GLRA1: variants seen among roughly 807,000 people sequenced by gnomAD.
GLRA1 encodes the protein glycine receptor alpha 1.
Under a neutral mutation model 48.3 loss-of-function variants are expected in GLRA1, and 37 were observed. The observed-to-expected ratio is 0.77, with a 90% CI of 0.59 to 1.01. The LOEUF (loss-of-function observed/expected upper bound fraction) is 1.01, where lower values mean the gene tolerates loss of function less well. Among genes scored for constraint, GLRA1 ranks in the 50% least tolerant of loss-of-function variants. The pLI is 0.00. For synonymous variants in GLRA1, 196 were observed against 210.7 expected (o/e 0.93, Z 0.60); for missense variants, 427 against 571.0 (o/e 0.75, Z 2.57).
chr5:151,846,731 T>A (rs1752681263), intron 7 of GLRA1, among the ~76,000 whole-genome samples: 1 of 152,216 alleles, frequency 6.6e-6, no homozygotes, highest in South Asian at 2.1e-4. Flanking sequence ...GTGTGCAATA[T>A]GAATTGGATC....
intron 6 of GLRA1, among the ~76,000 whole-genome samples, chr5:151,851,805 C>T (rs1752921421): frequency 6.6e-6 from 1 of 152,112 alleles, no homozygotes; most frequent in Non-Finnish European, 1.5e-5. Flanking sequence ...CATATAGTTA[C>T]TTATATGATT....
chr5:151,838,559 CA>C (rs1352868128), intron 7 of GLRA1, among the ~76,000 whole-genome samples: 2 of 151,936 alleles, frequency 1.3e-5, no homozygotes, highest in Admixed American at 1.3e-4. Context: ...ATGGAATCAA[CA>C]GTAGATTTAA....
intron 7 of GLRA1, among the ~76,000 whole-genome samples, chr5:151,831,867 C>A (rs1048826056): frequency 9.9e-5 from 15 of 152,202 alleles, no homozygotes; most frequent in South Asian, 2.1e-4. Context: ...CACCTCCCTG[C>A]AGGAGTGGAA....
At chr5:151,904,548 T>A (rs1329660560) in intron 1 of GLRA1, among the ~76,000 whole-genome samples, 2 of 152,178 alleles carry the variant, frequency 1.3e-5, no homozygotes, top group African/African-American at 2.4e-5. Context: ...TTTAAAATAA[T>A]GTGGAAGAAA....
At chr5:151,891,838 C>A (rs1203783552) in intron 2 of GLRA1, among the ~76,000 whole-genome samples, 2 of 152,126 alleles carry the variant, frequency 1.3e-5, no homozygotes, top group African/African-American at 4.8e-5. Context: ...ATGCCCTCTG[C>A]TTCTCCTTTG....
chr5:151,839,069 A>T (rs1226279485), intron 7 of GLRA1, among the ~76,000 whole-genome samples: 1 of 152,268 alleles, frequency 6.6e-6, no homozygotes, highest in East Asian at 1.9e-4. Flanking sequence ...TTGTATTCTC[A>T]TTAACACCAT....
At chr5:151,894,916 C>T (rs1437520805) in intron 1 of GLRA1, among the ~76,000 whole-genome samples, 1 of 152,136 alleles carries the variant, frequency 6.6e-6, no homozygotes, top group African/African-American at 2.4e-5. Context: ...GACACTGTTG[C>T]TTAATAATCT....
At chr5:151,825,277 T>C (rs1192701362) in intron 8 of GLRA1, among the ~76,000 whole-genome samples, 1 of 152,208 alleles carries the variant, frequency 6.6e-6, no homozygotes, top group East Asian at 1.9e-4. Flanking sequence ...AATCTCCCCT[T>C]GCTGGAGCTG....
chr5:151,921,109 A>C (rs1188837383), intron 1 of GLRA1, among the ~76,000 whole-genome samples: 3 of 152,224 alleles, frequency 2.0e-5, no homozygotes, highest in African/African-American at 7.2e-5. Context: ...ACTGGGATGG[A>C]AGAGGGAAGT....
chr5:151,892,825 A>G (rs1305204697), intron 1 of GLRA1, among the ~76,000 whole-genome samples: 1 of 152,224 alleles, frequency 6.6e-6, no homozygotes, highest in African/African-American at 2.4e-5. Flanking sequence ...AGCCACACGG[A>G]CAGAAAGGAT....
chr5:151,924,717 G>C lies in GLRA1; in HGVS notation c.-168C>G. On this transcript the variant is annotated 5_prime_UTR_variant, in exon 1 of 9. Coordinates refer to ENST00000274576, the MANE Select transcript of GLRA1 (RefSeq NM_000171.4). ...CCCCAGGGGAAATTGGAGCGAGGGGGTCGTAGATACCACGGACAGCGGCGG... is the reference window on the plus strand; with the variant it reads ...CCCCAGGGGAAATTGGAGCGAGGGGCTCGTAGATACCACGGACAGCGGCGG... 1 of 685,568 alleles carries C rather than the reference G, an allele frequency of 1.5e-6. No homozygotes were observed. The highest frequency in any genetic ancestry group is 2.7e-5 in the East Asian group (1 of 37,026). 42.5% of individuals were successfully genotyped at this position (685,568 alleles called of 1,614,324 possible).
chr5:151,823,351 T>G (rs1014363232), intron 8 of GLRA1, among the ~76,000 whole-genome samples: 3 of 152,230 alleles, frequency 2.0e-5, no homozygotes, highest in Non-Finnish European at 2.9e-5. Flanking sequence ...AAGTTTCTTT[T>G]GACCATCAGA....
chr5:151,833,726 G>A (rs574110024), intron 7 of GLRA1, among the ~76,000 whole-genome samples: 13 of 150,038 alleles, frequency 8.7e-5, no homozygotes, highest in South Asian at 6.4e-4. Context: ...GCCTCCCAGC[G>A]TGCTGGGATT....
At chr5:151,912,409 G>C (rs192310280) in intron 1 of GLRA1, among the ~76,000 whole-genome samples, 1 of 152,046 alleles carries the variant, frequency 6.6e-6, no homozygotes, top group African/African-American at 2.4e-5. Context: ...GCAGGACTTG[G>C]TGATGGTGAA....
intron 3 of GLRA1, among the ~76,000 whole-genome samples, chr5:151,869,302 C>T (rs1203801418): frequency 6.6e-6 from 1 of 151,716 alleles, no homozygotes; most frequent in Non-Finnish European, 1.5e-5. Context: ...CACGGTTTCA[C>T]CATGTTGGCC....
At chr5:151,922,366 C>T (rs1754897675) in intron 1 of GLRA1, among the ~76,000 whole-genome samples, 1 of 152,242 alleles carries the variant, frequency 6.6e-6, no homozygotes, top group Non-Finnish European at 1.5e-5. Flanking sequence ...CAAATACAAT[C>T]TGCTCACTTT....
chr5:151,886,163 A>T (rs961262484), intron 3 of GLRA1, among the ~76,000 whole-genome samples: 3 of 152,246 alleles, frequency 2.0e-5, no homozygotes, highest in African/African-American at 4.8e-5. Flanking sequence ...AATTTGAAAA[A>T]TATATAAATA....
chr5:151,918,994 T>C (rs1292728119), intron 1 of GLRA1, among the ~76,000 whole-genome samples: 1 of 152,198 alleles, frequency 6.6e-6, no homozygotes, highest in Non-Finnish European at 1.5e-5. Context: ...CCTGGGTACA[T>C]AGGAGATTCA....
chr5:151,924,451 C>G, intron 1 of GLRA1, 43 bp downstream of exon 1: 3 of 1,221,610 alleles, frequency 2.5e-6, no homozygotes, highest in Non-Finnish European at 3.7e-6. Flanking sequence ...ACTCTTTCCC[C>G]CCATTTCCAT....
Sources: allele counts gnomAD v4.1 joint callset (sites outside exome capture counted in the v4.1 genomes callset), GRCh38; gene constraint gnomAD v4.1.1; transcripts MANE v1.5; gene names NCBI Gene and HGNC (gene_info 2026-07-23, HGNC 2026-07-21).